SEM1: variants seen among roughly 807,000 people sequenced by gnomAD.
SEM1 encodes 26S proteasome complex subunit SEM1.
SEM1 carries 3 observed loss-of-function variants against 12.7 expected under a neutral mutation model. That is an observed-to-expected ratio of 0.24 (90% confidence interval 0.11 to 0.61). The LOEUF (loss-of-function observed/expected upper bound fraction) is 0.61, where lower values mean the gene tolerates loss of function less well. Ranked by LOEUF, SEM1 falls within the 20% of genes least tolerant of loss-of-function variation. The pLI is 0.88. For synonymous variants in SEM1, 30 were observed against 27.8 expected, an observed-to-expected ratio of 1.08 and a Z score of -0.25; for missense variants, 59 against 81.3, an observed-to-expected ratio of 0.73 and a Z score of 1.06.
intron 2 of SEM1, among the ~76,000 whole-genome samples, chr7:96,585,780 A>G (rs1806609210): frequency 6.6e-6 from 1 of 152,034 alleles, no homozygotes; most frequent in Non-Finnish European, 1.5e-5. Context: ...GAACTCCCTG[A>G]CCCCTTGCGC....
chr7:96,671,117 T>C (rs2116582072), downstream of SEM1, among the ~76,000 whole-genome samples: 1 of 152,274 alleles, frequency 6.6e-6, no homozygotes, highest in South Asian at 2.1e-4. Context: ...GCCCCACAGA[T>C]TTCAATGAAC....
intron 2 of SEM1, among the ~76,000 whole-genome samples, chr7:96,642,281 A>G (rs1394053877): frequency 6.6e-6 from 1 of 152,130 alleles, no homozygotes. Flanking sequence ...ATTCCTTTAT[A>G]GAATAACCAG....
At chr7:96,697,948 C>CT (rs1790150612) in intron 1 of SEM1, among the ~76,000 whole-genome samples, 2 of 152,060 alleles carry the variant, frequency 1.3e-5, no homozygotes, top group Admixed American at 1.3e-4. Flanking sequence ...TAGTCAGTGA[C>CT]TAAGAAATCA....
At chr7:96,657,775 T>C (rs1376367450) in intron 2 of SEM1, among the ~76,000 whole-genome samples, 17 of 152,194 alleles carry the variant, frequency 1.1e-4, no homozygotes. Flanking sequence ...GTCTTGCTAA[T>C]TGGGGTGATG....
At chr7:96,662,637 A>G (rs10224024) in intron 2 of SEM1, among the ~76,000 whole-genome samples, 50,327 of 151,774 alleles carry the variant, frequency 0.33, 9,810 homozygotes, top group African/African-American at 0.56. Context: ...GTATATCTAC[A>G]TAACAAACCT....
At chr7:96,521,497 G>T (rs1476925856) in intron 2 of SEM1, among the ~76,000 whole-genome samples, 1 of 152,072 alleles carries the variant, frequency 6.6e-6, no homozygotes, top group East Asian at 1.9e-4. Flanking sequence ...CAATCATTTA[G>T]GGGCAATTCA....
At chr7:96,629,519 A>G (rs1045129468) in intron 2 of SEM1, among the ~76,000 whole-genome samples, 2 of 152,068 alleles carry the variant, frequency 1.3e-5, no homozygotes, top group Non-Finnish European at 2.9e-5. Context: ...TTTGTCTGAT[A>G]GAATTCTGAA....
At chr7:96,493,209 C>T (rs1803096769) in intron 1 of SEM1, among the ~76,000 whole-genome samples, 1 of 152,152 alleles carries the variant, frequency 6.6e-6, no homozygotes, top group Non-Finnish European at 1.5e-5. Context: ...AAGTAATCTG[C>T]CCACCTTGGC....
chr7:96,614,670 C>T (rs73228321), intron 2 of SEM1, among the ~76,000 whole-genome samples: 18,007 of 152,266 alleles, frequency 0.12, 1,093 homozygotes, highest in Middle Eastern at 0.18. Flanking sequence ...GGTCTCTCAC[C>T]ATGGTGTGAA....
intron 2 of SEM1, among the ~76,000 whole-genome samples, chr7:96,607,025 T>G (rs1807401701): frequency 6.6e-6 from 1 of 152,228 alleles, no homozygotes. Context: ...TTTATGGTGT[T>G]TATACATTTC....
intron 2 of SEM1, among the ~76,000 whole-genome samples, chr7:96,485,430 C>G (rs1802711799): frequency 6.6e-6 from 1 of 151,892 alleles, no homozygotes; most frequent in Admixed American, 6.6e-5. Flanking sequence ...TTGATCTTCC[C>G]AACTCCTCCT....
At chr7:96,553,541 T>G (rs1258491563) in intron 2 of SEM1, among the ~76,000 whole-genome samples, 2 of 151,926 alleles carry the variant, frequency 1.3e-5, no homozygotes. Context: ...TCTGTTCTGT[T>G]CCATTGATCT....
chr7:96,603,547 A>G (rs991825508), intron 2 of SEM1, among the ~76,000 whole-genome samples: 1 of 152,140 alleles, frequency 6.6e-6, no homozygotes, highest in African/African-American at 2.4e-5. Context: ...CTGAGAAAAT[A>G]TCATCTTCTC....
intron 2 of SEM1, among the ~76,000 whole-genome samples, chr7:96,644,567 A>G (rs1280677890): frequency 6.6e-6 from 1 of 152,182 alleles, no homozygotes; most frequent in Non-Finnish European, 1.5e-5. Context: ...GGGACTGTTC[A>G]GAACAGCCCG....
At chr7:96,526,437 C>T (rs559656907) in intron 2 of SEM1, among the ~76,000 whole-genome samples, 4 of 152,002 alleles carry the variant, frequency 2.6e-5, no homozygotes, top group East Asian at 1.9e-4. Flanking sequence ...CCAGTTTACA[C>T]GGGGGAGAGG....
intron 2 of SEM1, among the ~76,000 whole-genome samples, chr7:96,593,588 A>G (rs886075726): frequency 6.6e-6 from 1 of 152,226 alleles, no homozygotes; most frequent in African/African-American, 2.4e-5. Context: ...TCTTCTTAGA[A>G]ATAGATTAAG....
chr7:96,683,932 TG>T (rs1359078030), downstream of SEM1, among the ~76,000 whole-genome samples: 2 of 152,024 alleles, frequency 1.3e-5, no homozygotes, highest in Non-Finnish European at 2.9e-5. Context: ...ATGTAGATGA[TG>T]GGTTGATGGG....
chr7:96,615,872 C>T (rs947816325), intron 2 of SEM1, among the ~76,000 whole-genome samples: 1 of 152,116 alleles, frequency 6.6e-6, no homozygotes, highest in Non-Finnish European at 1.5e-5. Flanking sequence ...ATAATGGCCT[C>T]CAACCCAAAA....
intron 2 of SEM1, among the ~76,000 whole-genome samples, chr7:96,691,190 C>CT (rs1181067943): frequency 6.6e-6 from 1 of 152,130 alleles, no homozygotes; most frequent in East Asian, 1.9e-4. Flanking sequence ...ATCAGAATGA[C>CT]TTTGAGTTAC....
Sources: gnomAD v4.1 joint callset for allele counts (sites outside exome capture counted in the v4.1 genomes callset) on GRCh38, gnomAD v4.1.1 for gene constraint, MANE v1.5 for transcripts, NCBI Gene and HGNC (gene_info 2026-07-23, HGNC 2026-07-21) for gene names.